The following SPC25 variants were observed in gnomAD, a reference collection of about 807,000 sequenced individuals.
SPC25 encodes SPC25 component of NDC80 kinetochore complex.
A neutral mutation model predicts 29.6 loss-of-function variants in SPC25; 22 were observed. The ratio of observed to expected loss-of-function variants is 0.74; its 90% CI spans 0.53 to 1.06. The LOEUF is 1.06. Among genes scored for constraint, SPC25 ranks in the 50% least tolerant of loss-of-function variants. The probability of loss-of-function intolerance (pLI) is 0.00; values close to 1 mark genes in which losing one functional copy is unlikely to be tolerated. For missense variants in SPC25, 230 were observed against 255.8 expected, an observed-to-expected ratio of 0.90 and a Z score of 0.69; for synonymous variants, 91 against 90.4, an observed-to-expected ratio of 1.01 and a Z score of -0.04.
chr2:168,861,774 T>C (rs1342932052), intron 4 of SPC25, among the ~76,000 whole-genome samples: 5 of 152,244 alleles, frequency 3.3e-5, no homozygotes, highest in African/African-American at 1.2e-4. Flanking sequence ...TCCATACATA[T>C]AGAAAGTGCA....
In SPC25 at chr2:168,877,487, G is replaced by A. The variant is rs562432912; in HGVS notation, c.200-103C>T. On this transcript the variant is annotated intron_variant, in intron 3 of 6. Coordinates refer to ENST00000282074, the MANE Select transcript of SPC25 (RefSeq NM_020675.4). Reference sequence around the variant, plus strand: ...ACTTTCATAAAGATTAATAAAGAATGTTTTGACTGATAAGCATTTTCTAAT... The same window carrying A: ...ACTTTCATAAAGATTAATAAAGAATATTTTGACTGATAAGCATTTTCTAAT... 808 of 1,285,348 alleles carry A rather than the reference G, an allele frequency of 6.3e-4. 1 individual carries two copies. The highest frequency in any genetic ancestry group is 8.0e-4 in the Non-Finnish European group (745 of 928,734). 79.6% of individuals were successfully genotyped at this position (1,285,348 alleles called of 1,614,324 possible).
At chr2:168,865,112 T>G (rs1400035855) in intron 4 of SPC25, 23 of 842,446 alleles carry the variant, frequency 2.7e-5, no homozygotes, top group Middle Eastern at 5.1e-4. Context: ...CACTTTGCAT[T>G]CATGATTATT....
At chr2:168,889,004 CATATATGTATATAT>C (rs1393904245) in intron 3 of SPC25, among the ~76,000 whole-genome samples, 2 of 70,222 alleles carry the variant, frequency 2.8e-5, no homozygotes, top group Admixed American at 1.5e-4. Flanking sequence ...TATATATACA[CATATATGTATATAT>C]ATACACATAT....
At chr2:168,863,564 T>G in intron 4 of SPC25, 1 of 985,292 alleles carries the variant, frequency 1.0e-6, no homozygotes. Context: ...ATTTGAATCA[T>G]TGCTTTAAAA....
At chr2:168,870,188 C>T (rs1387625904), downstream of SPC25, among the ~76,000 whole-genome samples, 4 of 151,386 alleles carry the variant, frequency 2.6e-5, no homozygotes, top group Non-Finnish European at 5.9e-5. Flanking sequence ...CTTCCTTACA[C>T]CTTATACAAA....
chr2:168,868,431 A>C (rs1036919403), downstream of SPC25, among the ~76,000 whole-genome samples: 1 of 152,184 alleles, frequency 6.6e-6, no homozygotes, highest in Non-Finnish European at 1.5e-5. Context: ...GCTTTTTGAA[A>C]AGATCAACAA....
intron 4 of SPC25, among the ~76,000 whole-genome samples, chr2:168,864,292 T>G (rs1167538699): frequency 6.6e-6 from 1 of 151,688 alleles, no homozygotes; most frequent in African/African-American, 2.4e-5. Flanking sequence ...CCTGTTTTTT[T>G]TTTTCTGAGA....
Position 168,871,613 on chromosome 2 carries a change from G to A in SPC25, c.551-58C>T, listed in dbSNP as rs1213222827. 23 of 1,452,454 alleles carry A rather than the reference G, an allele frequency of 1.6e-5. No individual in the cohort carries two copies. The South Asian group carries it at 3.1e-4, about 20-fold the overall frequency. 90.0% of individuals were successfully genotyped at this position (1,452,454 alleles called of 1,614,324 possible). A position where few individuals can be genotyped will look rare whatever the true frequency, so the allele number is the denominator to read the frequency against. On this transcript the variant is annotated intron_variant, in intron 6 of 6. Transcript: ENST00000282074. ...TTAGAATGAGTTTTTTTATGGCACA[G>A]AAGTATTTCTAATCTAGATGCTCTC...
At chr2:168,867,532 T>C (rs967214303), downstream of SPC25, among the ~76,000 whole-genome samples, 1 of 152,168 alleles carries the variant, frequency 6.6e-6, no homozygotes, top group Non-Finnish European at 1.5e-5. Flanking sequence ...AATAAAGGGA[T>C]GGAGGAAGAT....
chr2:168,877,600 G>T (rs1690111040), intron 3 of SPC25, among the ~76,000 whole-genome samples: 2 of 151,782 alleles, frequency 1.3e-5, no homozygotes, highest in Admixed American at 6.6e-5. Flanking sequence ...AGACAGAAAA[G>T]CTTCTTAAAA....
chr2:168,862,051 T>A (rs762396593), intron 4 of SPC25: 1 of 1,612,944 alleles, frequency 6.2e-7, no homozygotes, highest in South Asian at 1.1e-5. Flanking sequence ...TGGAAAAGGG[T>A]AAGAATCATT....
At position 168,871,527 on chromosome 2, in the gene SPC25, G is replaced by A; in HGVS notation, c.579C>T (p.Gly193=). ...TTACATTCTCTTGAAATTCTGCTAGGCCCTCAAGATGAGGGGCACTATCTG... is the reference window on the plus strand; with the variant it reads ...TTACATTCTCTTGAAATTCTGCTAGACCCTCAAGATGAGGGGCACTATCTG... ...EVSDSAPHLE[G]LAEFQENVRK... The change falls in exon 7 of 7, where the codon GGC becomes GGT. Residue 193 remains glycine, a synonymous_variant. Transcript: ENST00000282074. 1 of 1,598,952 alleles carries A rather than the reference G, an allele frequency of 6.3e-7. No homozygotes were observed. Among genetic ancestry groups the A allele is most frequent in the Non-Finnish European group, 8.5e-7 (1 of 1,175,026 alleles).
At chr2:168,871,643 G>A (rs1361371768) in intron 6 of SPC25, 88 bp from the exon 7 acceptor site, 2 of 1,191,908 alleles carry the variant, frequency 1.7e-6, no homozygotes, top group African/African-American at 1.6e-5. Context: ...GCTCTCATCT[G>A]GTTTGAATGT....
At chr2:168,863,374 T>C (rs1293242437) in intron 4 of SPC25, 1 of 982,214 alleles carries the variant, frequency 1.0e-6, no homozygotes, top group African/African-American at 1.8e-5. Context: ...TCCTTTGTCT[T>C]AGAAAGAAAG....
chr2:168,864,455 T>C (rs750488244), intron 4 of SPC25, among the ~76,000 whole-genome samples: 32 of 151,802 alleles, frequency 2.1e-4, no homozygotes, highest in Non-Finnish European at 4.0e-4. Flanking sequence ...CCAGCTAATT[T>C]TTGTATTTTT....
At chr2:168,863,970 G>A (rs1018661854) in intron 4 of SPC25, among the ~76,000 whole-genome samples, 1 of 151,790 alleles carries the variant, frequency 6.6e-6, no homozygotes, top group Non-Finnish European at 1.5e-5. Flanking sequence ...CAGTACAGTG[G>A]TGTGATCTTA....
chr2:168,871,441 A>G lies in SPC25; in HGVS notation c.665T>C (p.Val222Ala). ...TACACTATTTGTATGTTAATTATAA[A>G]CCGTGGCAGTAAAAGCTTTCCGAAC... ...ANVRKAFTATVYN is the reference protein window; with the variant it reads ...ANVRKAFTATAYN Residue 222 changes from valine to alanine, a missense_variant, in exon 7 of 7, where the codon GTT becomes GCT. By Grantham distance (64) the Val-to-Ala change is moderately conservative. Coordinates refer to ENST00000282074, the MANE Select transcript of SPC25 (RefSeq NM_020675.4). The G allele has an allele frequency of 6.2e-7, 1 of 1,605,584 alleles. No individual in the cohort carries two copies. Among genetic ancestry groups the G allele is most frequent in the Non-Finnish European group, 8.5e-7 (1 of 1,177,220 alleles).
chr2:168,863,503 T>G, intron 4 of SPC25: 1 of 985,386 alleles, frequency 1.0e-6, no homozygotes, highest in African/African-American at 1.7e-5. Context: ...ATCTTTCTAC[T>G]TTTATGACAA....
intron 3 of SPC25, among the ~76,000 whole-genome samples, 144 bp downstream of exon 3, chr2:168,889,060 TATATATATACACATATATATAC>T (rs1559158777): frequency 6.0e-4 from 32 of 53,098 alleles, no homozygotes; most frequent in Admixed American, 1.2e-3. Context: ...TATATATACA[TATATATATACACATATATATAC>T]ATATATATAC....
Sources: allele counts gnomAD v4.1 joint callset (sites outside exome capture counted in the v4.1 genomes callset), GRCh38; gene constraint gnomAD v4.1.1; transcripts MANE v1.5; gene names NCBI Gene and HGNC (gene_info 2026-07-23, HGNC 2026-07-21).